Variants in STXBP5L observed in about 807,000 individuals in gnomAD.
The protein encoded by STXBP5L is syntaxin-binding protein 5-like.
A neutral mutation model predicts 144.5 loss-of-function variants in STXBP5L; 65 were observed. That is an observed-to-expected ratio of 0.45 (90% CI 0.37 to 0.55). STXBP5L has a LOEUF of 0.55. Ranked by LOEUF, STXBP5L falls within the 20% of genes least tolerant of loss-of-function variation. STXBP5L has a pLI of 0.00. For missense variants in STXBP5L, 1,298 were observed against 1,405.5 expected, an observed-to-expected ratio of 0.92 and a Z score of 1.22; for synonymous variants, 505 against 469.6, an observed-to-expected ratio of 1.08 and a Z score of -0.97.
At position 121,170,094 on chromosome 3, in the gene STXBP5L, C is replaced by G. The variant is rs559132479; in HGVS notation, c.877+12467C>G. 5.3e-5 allele frequency among the ~76,000 whole-genome samples: 8 copies of G among 152,170 alleles called. No individual in the cohort carries two copies. The South Asian group carries it at 1.0e-3, about 20-fold the overall frequency. On this transcript the variant is annotated intron_variant, in intron 9 of 26. Coordinates refer to ENST00000471454, the MANE Select transcript of STXBP5L (RefSeq NM_001308330.2). ...AACTTAACAACGTGCTCCTGACTACCAGTCAGTAAATAATGAAATTAAGGC... is the reference window on the plus strand; with the variant it reads ...AACTTAACAACGTGCTCCTGACTACGAGTCAGTAAATAATGAAATTAAGGC...
intron 20 of STXBP5L, among the ~76,000 whole-genome samples, chr3:121,361,754 T>C (rs894686872): frequency 6.6e-6 from 1 of 152,100 alleles, no homozygotes; most frequent in African/African-American, 2.4e-5. Context: ...GTTCTCTATA[T>C]GAAAGGTCAC....
chr3:121,297,085 GA>G (rs1357463106), intron 19 of STXBP5L, among the ~76,000 whole-genome samples: 2 of 152,118 alleles, frequency 1.3e-5, no homozygotes, highest in East Asian at 1.9e-4. Context: ...GTTGGATTGA[GA>G]AATAAAGAGA....
chr3:121,173,404 C>G (rs558724939), intron 9 of STXBP5L, among the ~76,000 whole-genome samples: 4 of 151,448 alleles, frequency 2.6e-5, no homozygotes, highest in Admixed American at 6.6e-5. Flanking sequence ...GCTGGACAAA[C>G]TTTAAATTAA....
chr3:121,202,978 T>TC (rs1312964098), intron 9 of STXBP5L, among the ~76,000 whole-genome samples: 1 of 152,092 alleles, frequency 6.6e-6, no homozygotes, highest in Non-Finnish European at 1.5e-5. Context: ...TTCCTTTCTT[T>TC]CCTTTTCTTC....
At chr3:120,980,838 A>G (rs1410374495) in intron 3 of STXBP5L, among the ~76,000 whole-genome samples, 1 of 152,154 alleles carries the variant, frequency 6.6e-6, no homozygotes, top group African/African-American at 2.4e-5. Flanking sequence ...TTATGATGGC[A>G]TTGCCCATTC....
chr3:121,288,533 T>C (rs2051308463), intron 19 of STXBP5L, among the ~76,000 whole-genome samples: 1 of 152,200 alleles, frequency 6.6e-6, no homozygotes. Flanking sequence ...TAATGGACAT[T>C]CTGACTGGTG....
chr3:121,091,909 G>A (rs1304989689), intron 5 of STXBP5L, among the ~76,000 whole-genome samples: 1 of 152,080 alleles, frequency 6.6e-6, no homozygotes, highest in East Asian at 1.9e-4. Flanking sequence ...ATGGTTTTAG[G>A]TCTAACATTT....
chr3:120,915,462 C>T (rs550742561), intron 2 of STXBP5L, among the ~76,000 whole-genome samples: 100 of 152,114 alleles, frequency 6.6e-4, no homozygotes, highest in African/African-American at 2.4e-3. Context: ...AGTAGAAGCC[C>T]TGCTTTAAAC....
chr3:121,125,522 C>G (rs1321950720), intron 7 of STXBP5L, among the ~76,000 whole-genome samples: 1 of 151,866 alleles, frequency 6.6e-6, no homozygotes, highest in Non-Finnish European at 1.5e-5. Flanking sequence ...CCATCTTTCC[C>G]CCAATATATC....
chr3:121,047,223 G>A (rs1442553996), intron 5 of STXBP5L, among the ~76,000 whole-genome samples: 2 of 151,958 alleles, frequency 1.3e-5, no homozygotes, highest in Admixed American at 6.6e-5. Context: ...AGTGTGGTTG[G>A]TATGGTTTCA....
At chr3:121,122,769 GTTGTT>G in intron 7 of STXBP5L, among the ~76,000 whole-genome samples, 1 of 151,490 alleles carries the variant, frequency 6.6e-6, no homozygotes, top group Middle Eastern at 3.4e-3. Flanking sequence ...GTAGGATAGG[GTTGTT>G]AGTTACTGTG....
chr3:121,034,582 A>G (rs1576727530), intron 3 of STXBP5L, among the ~76,000 whole-genome samples: 3 of 150,694 alleles, frequency 2.0e-5, no homozygotes, highest in South Asian at 4.2e-4. Context: ...CCATCTATCT[A>G]TGTATCTATC....
At chr3:121,093,445 T>G (rs982193536) in intron 5 of STXBP5L, among the ~76,000 whole-genome samples, 4 of 152,242 alleles carry the variant, frequency 2.6e-5, no homozygotes, top group African/African-American at 9.6e-5. Flanking sequence ...TGCCACAATT[T>G]CAGCTCCTGT....
At chr3:121,262,311 A>G (rs900117789) in intron 18 of STXBP5L, among the ~76,000 whole-genome samples, 1 of 152,202 alleles carries the variant, frequency 6.6e-6, no homozygotes, top group African/African-American at 2.4e-5. Flanking sequence ...ATTAACTCAA[A>G]AGTTTAACGT....
intron 3 of STXBP5L, among the ~76,000 whole-genome samples, chr3:121,028,305 T>A (rs1332548659): frequency 6.6e-6 from 1 of 152,056 alleles, no homozygotes; most frequent in Admixed American, 6.6e-5. Flanking sequence ...ATAGCAGAAA[T>A]TTTTGCAGTA....
At position 121,236,301 on chromosome 3, in the gene STXBP5L, C is replaced by T. The variant is rs557583104; in HGVS notation, c.1184+2613C>T. ...AAATTTAAAAGTTTCCTATATATTA[C>T]CTCTTTGTCTTAGTCCCTTTTATAT... is the stretch of plus-strand genomic sequence containing the variant. On this transcript the variant is annotated intron_variant, in intron 12 of 26. Coordinates refer to ENST00000471454, the MANE Select transcript of STXBP5L (RefSeq NM_001308330.2). 3.5e-4 allele frequency among the ~76,000 whole-genome samples: 54 copies of T among 152,280 alleles called. 2 individuals are homozygous for T. The South Asian group carries it at 0.011, about 31-fold the overall frequency.
chr3:121,339,815 GAA>G (rs201461700), intron 20 of STXBP5L, among the ~76,000 whole-genome samples: 1 of 143,268 alleles, frequency 7.0e-6, no homozygotes. Flanking sequence ...TATAATAGCT[GAA>G]AAAAAAAAAA....
intron 20 of STXBP5L, among the ~76,000 whole-genome samples, chr3:121,343,567 A>C (rs1250786215): frequency 6.6e-6 from 1 of 152,162 alleles, no homozygotes; most frequent in Non-Finnish European, 1.5e-5. Flanking sequence ...ATACAAAATC[A>C]ATGTACAAAA....
At chr3:120,948,879 G>A (rs1449774684) in intron 2 of STXBP5L, among the ~76,000 whole-genome samples, 1 of 151,728 alleles carries the variant, frequency 6.6e-6, no homozygotes, top group Non-Finnish European at 1.5e-5. Context: ...CTGTGCATGT[G>A]TCTTTTTCAT....
Sources: gnomAD v4.1 joint callset for allele counts (sites outside exome capture counted in the v4.1 genomes callset) on GRCh38, gnomAD v4.1.1 for gene constraint, MANE v1.5 for transcripts, NCBI Gene and HGNC (gene_info 2026-07-23, HGNC 2026-07-21) for gene names.